PTPRD: variants seen among roughly 807,000 people sequenced by gnomAD.
PTPRD encodes receptor-type tyrosine-protein phosphatase delta.
In PTPRD, 34 loss-of-function variants were observed where a neutral mutation model predicts 214.5. The ratio of observed to expected loss-of-function variants is 0.16; its 90% CI spans 0.12 to 0.21. PTPRD has a LOEUF of 0.21. PTPRD is among the 10% of genes least tolerant of loss of function. The probability of loss-of-function intolerance (pLI) is 1.00; values close to 1 mark genes in which losing one functional copy is unlikely to be tolerated. For synonymous variants in PTPRD, 1,128 were observed against 845.7 expected (o/e 1.33, Z -5.79); for missense variants, 2,545 against 2,398.7 (o/e 1.06, Z -1.27).
intron 7 of PTPRD, among the ~76,000 whole-genome samples, chr9:9,678,827 A>C (rs2096994651): frequency 6.6e-6 from 1 of 151,912 alleles, no homozygotes; most frequent in Non-Finnish European, 1.5e-5. Flanking sequence ...TCCTGTCATA[A>C]ATTTTGTGAT....
intron 11 of PTPRD, among the ~76,000 whole-genome samples, chr9:8,835,655 G>A (rs1001610901): frequency 6.6e-6 from 1 of 152,182 alleles, no homozygotes; most frequent in African/African-American, 2.4e-5. Context: ...TCAGCCTCCT[G>A]AGTAGCTGGA....
At chr9:9,296,284 C>T (rs1353417771) in intron 9 of PTPRD, among the ~76,000 whole-genome samples, 1 of 151,694 alleles carries the variant, frequency 6.6e-6, no homozygotes, top group Admixed American at 6.6e-5. Context: ...CAAATGTTCT[C>T]ACATGACCTT....
chr9:9,846,512 G>A (rs2059560918), intron 5 of PTPRD, among the ~76,000 whole-genome samples: 1 of 152,110 alleles, frequency 6.6e-6, no homozygotes. Context: ...TTCTTTTCAG[G>A]TAACTTAGCT....
At chr9:9,303,230 A>G (rs1326385528) in intron 9 of PTPRD, among the ~76,000 whole-genome samples, 6 of 152,004 alleles carry the variant, frequency 3.9e-5, no homozygotes, top group Admixed American at 3.3e-4. Context: ...TTATACATCA[A>G]TAAATACTAC....
intron 3 of PTPRD, among the ~76,000 whole-genome samples, chr9:10,130,464 A>G (rs949126467): frequency 4.6e-5 from 7 of 152,072 alleles, no homozygotes; most frequent in Admixed American, 6.6e-5. Flanking sequence ...TAGTTATTGA[A>G]AATATTTTTT....
intron 14 of PTPRD, among the ~76,000 whole-genome samples, chr9:8,599,526 A>G (rs7865176): frequency 0.068 from 10,375 of 151,614 alleles, 1,171 homozygotes; most frequent in African/African-American, 0.24. Flanking sequence ...GTAGAAAGTT[A>G]CAAAACACAA....
intron 2 of PTPRD, among the ~76,000 whole-genome samples, chr9:10,410,881 G>A (rs368640087): frequency 1.3e-5 from 2 of 151,656 alleles, no homozygotes; most frequent in African/African-American, 2.4e-5. Flanking sequence ...GTCTGCCTAC[G>A]TTTAAATCAC....
chr9:8,789,343 A>G (rs1471393001), intron 11 of PTPRD, among the ~76,000 whole-genome samples: 1 of 152,252 alleles, frequency 6.6e-6, no homozygotes, highest in Non-Finnish European at 1.5e-5. Flanking sequence ...TGTGGGACAT[A>G]AATGGAAACA....
chr9:8,475,899 G>A (rs984941053), intron 30 of PTPRD, among the ~76,000 whole-genome samples: 7 of 152,048 alleles, frequency 4.6e-5, no homozygotes, highest in South Asian at 2.1e-4. Flanking sequence ...CTTTAGCCCC[G>A]TCTAGTGCAG....
intron 5 of PTPRD, among the ~76,000 whole-genome samples, chr9:9,873,313 C>G (rs1031567269): frequency 6.6e-6 from 1 of 152,104 alleles, no homozygotes; most frequent in Non-Finnish European, 1.5e-5. Context: ...GGGTGGCTAA[C>G]CTGCACCTCT....
intron 2 of PTPRD, among the ~76,000 whole-genome samples, chr9:10,555,749 G>C (rs970361890): frequency 6.6e-6 from 1 of 151,892 alleles, no homozygotes; most frequent in Admixed American, 6.6e-5. Flanking sequence ...ACAAGTGCTA[G>C]AAAAAAACCA....
intron 7 of PTPRD, among the ~76,000 whole-genome samples, chr9:9,603,019 GA>G (rs59273136): frequency 6.0e-5 from 9 of 150,490 alleles, no homozygotes; most frequent in South Asian, 2.1e-4. Flanking sequence ...AAAAGAGTAA[GA>G]AAAAAAAAGA....
intron 5 of PTPRD, among the ~76,000 whole-genome samples, chr9:9,788,980 T>G (rs953041976): frequency 6.6e-5 from 10 of 152,236 alleles, no homozygotes; most frequent in Admixed American, 1.3e-4. Flanking sequence ...CAAAAATTGA[T>G]TCAAAGTCCT....
intron 10 of PTPRD, among the ~76,000 whole-genome samples, chr9:9,121,465 T>C (rs1233057673): frequency 2.0e-5 from 3 of 152,146 alleles, no homozygotes; most frequent in Admixed American, 6.5e-5. Context: ...TATATATATA[T>C]ATACACGATA....
chr9:8,790,999 C>T (rs1346987934), intron 11 of PTPRD, among the ~76,000 whole-genome samples: 1 of 152,118 alleles, frequency 6.6e-6, no homozygotes, highest in East Asian at 1.9e-4. Context: ...GTAGGCAGTG[C>T]TGCTATAGCC....
At chr9:9,010,033 G>T (rs1351588678) in intron 11 of PTPRD, among the ~76,000 whole-genome samples, 1 of 152,054 alleles carries the variant, frequency 6.6e-6, no homozygotes, top group Admixed American at 6.6e-5. Context: ...GCCTGACAAA[G>T]ATGGAAATTT....
At chr9:9,699,617 TA>T (rs1209101126) in intron 7 of PTPRD, among the ~76,000 whole-genome samples, 1 of 152,186 alleles carries the variant, frequency 6.6e-6, no homozygotes, top group African/African-American at 2.4e-5. Flanking sequence ...AATGCTCACT[TA>T]GAAGAATATG....
intron 14 of PTPRD, among the ~76,000 whole-genome samples, chr9:8,531,002 C>T (rs1223155837): frequency 6.6e-6 from 1 of 152,084 alleles, no homozygotes; most frequent in Non-Finnish European, 1.5e-5. Context: ...TAATACCTTC[C>T]TATCAGACCA....
intron 7 of PTPRD, among the ~76,000 whole-genome samples, chr9:9,602,673 T>C (rs2154338736): frequency 6.6e-6 from 1 of 152,198 alleles, no homozygotes; most frequent in Non-Finnish European, 1.5e-5. Context: ...CATTCTTTTG[T>C]TGTGATGGAG....
Sources: allele counts gnomAD v4.1 joint callset (sites outside exome capture counted in the v4.1 genomes callset), GRCh38; gene constraint gnomAD v4.1.1; transcripts MANE v1.5; gene names NCBI Gene and HGNC (gene_info 2026-07-23, HGNC 2026-07-21).